Variants in SKIC3 observed in about 807,000 individuals in gnomAD.
SKIC3 encodes the protein superkiller complex protein 3.
the SKIC3 span, chr5:95,495,282 C>T: frequency 4.3e-5 from 18 of 414,420 alleles, no homozygotes; most frequent in African/African-American, 1.4e-4. Flanking sequence ...ATTTTACCAA[C>T]GAAATGTACA....
the SKIC3 span, among the ~76,000 whole-genome samples, chr5:95,488,804 G>A: frequency 2.0e-5 from 3 of 151,286 alleles, no homozygotes; most frequent in Non-Finnish European, 4.4e-5. Flanking sequence ...CTACAGAAAA[G>A]CACCAAAATA....
At chr5:95,467,796 T>A in the SKIC3 span, 1 of 1,593,836 alleles carries the variant, frequency 6.3e-7, no homozygotes, top group Non-Finnish European at 8.6e-7. Flanking sequence ...TCTAAAACCC[T>A]TAGATCAAAG....
the SKIC3 span, chr5:95,541,858 C>G: frequency 6.2e-7 from 1 of 1,613,078 alleles, no homozygotes. Flanking sequence ...CCAGGCAAGT[C>G]ATCCTTAGCA....
At chr5:95,503,966 A>G in the SKIC3 span, 1 of 1,611,102 alleles carries the variant, frequency 6.2e-7, no homozygotes, top group Non-Finnish European at 8.5e-7. Context: ...ACTTACTTTT[A>G]ATATCAAAAG....
At chr5:95,519,202 G>A in the SKIC3 span, among the ~76,000 whole-genome samples, 1 of 151,882 alleles carries the variant, frequency 6.6e-6, no homozygotes, top group Non-Finnish European at 1.5e-5. Flanking sequence ...TGGTGACAGA[G>A]GGCAATTCCT....
the SKIC3 span, among the ~76,000 whole-genome samples, chr5:95,514,189 T>C: frequency 6.6e-6 from 1 of 152,222 alleles, no homozygotes; most frequent in African/African-American, 2.4e-5. Context: ...ACTGACTGCT[T>C]ACTAATTCAT....
chr5:95,536,290 A>G, the SKIC3 span, among the ~76,000 whole-genome samples: 1 of 152,270 alleles, frequency 6.6e-6, no homozygotes, highest in Non-Finnish European at 1.5e-5. Context: ...TACAGTATTC[A>G]TAACAGTGTT....
the SKIC3 span, chr5:95,536,759 A>T: frequency 7.3e-7 from 1 of 1,364,222 alleles, no homozygotes; most frequent in Non-Finnish European, 1.0e-6. Context: ...TTGATTAATA[A>T]CATCACTCAC....
chr5:95,502,806 TAC>T, the SKIC3 span: 5 of 1,592,050 alleles, frequency 3.1e-6, no homozygotes, highest in Non-Finnish European at 4.3e-6. Flanking sequence ...ATGAAGAACT[TAC>T]GCTTTCTCCA....
At chr5:95,475,265 C>A in the SKIC3 span, among the ~76,000 whole-genome samples, 1 of 152,154 alleles carries the variant, frequency 6.6e-6, no homozygotes. Flanking sequence ...CAGCCTAAAT[C>A]TCACGTTGAA....
chr5:95,551,155 A>T, the SKIC3 span, among the ~76,000 whole-genome samples: 2 of 152,116 alleles, frequency 1.3e-5, no homozygotes, highest in South Asian at 4.1e-4. Flanking sequence ...AAACAGAGAA[A>T]TTTTTTTAAT....
the SKIC3 span, chr5:95,530,120 C>CT: frequency 6.2e-7 from 1 of 1,613,546 alleles, no homozygotes. Flanking sequence ...CATCTTCATA[C>CT]TTTTTGTCTT....
At chr5:95,474,516 T>G in the SKIC3 span, among the ~76,000 whole-genome samples, 1 of 152,236 alleles carries the variant, frequency 6.6e-6, no homozygotes, top group Non-Finnish European at 1.5e-5. Context: ...TTCCTCTGTA[T>G]GTAATTTGAC....
chr5:95,469,979 T>TTA, the SKIC3 span: 3 of 1,508,638 alleles, frequency 2.0e-6, no homozygotes, highest in Non-Finnish European at 2.7e-6. Context: ...TTCAATTCAA[T>TTA]TCTTTTTTTT....
the SKIC3 span, chr5:95,520,669 T>TTTTAATATTACAAAAATAATATTACA: frequency 6.7e-6 from 10 of 1,488,536 alleles, no homozygotes; most frequent in African/African-American, 1.3e-4. Flanking sequence ...TTTGGCTTCA[T>TTTTAATATTACAAAAATAATATTACA]TTTAATATTA....
the SKIC3 span, among the ~76,000 whole-genome samples, chr5:95,533,819 A>T: frequency 1.3e-5 from 2 of 152,148 alleles, no homozygotes; most frequent in African/African-American, 4.8e-5. Flanking sequence ...AACTCTGTAG[A>T]CTATTGTTGA....
At chr5:95,510,532 GA>G in the SKIC3 span, among the ~76,000 whole-genome samples, 1 of 152,186 alleles carries the variant, frequency 6.6e-6, no homozygotes, top group Non-Finnish European at 1.5e-5. Flanking sequence ...GCCTGCACTT[GA>G]TGGATCAGCT....
chr5:95,539,442 A>T, the SKIC3 span, among the ~76,000 whole-genome samples: 3 of 152,218 alleles, frequency 2.0e-5, no homozygotes, highest in African/African-American at 7.2e-5. Flanking sequence ...AAAAAATAAA[A>T]AAAATAGATG....
chr5:95,541,332 T>C, the SKIC3 span: 107 of 1,613,732 alleles, frequency 6.6e-5, no homozygotes, highest in East Asian at 1.1e-4. Context: ...CTTGGTAATA[T>C]AGATCCACAA....
Sources: gnomAD v4.1 joint callset for allele counts (sites outside exome capture counted in the v4.1 genomes callset) on GRCh38, gnomAD v4.1.1 for gene constraint, MANE v1.5 for transcripts, NCBI Gene and HGNC (gene_info 2026-07-23, HGNC 2026-07-21) for gene names.